The following ARHGEF11 variants were observed in gnomAD, a reference collection of about 807,000 sequenced individuals.
ARHGEF11 encodes the protein Rho guanine exchange factor (GEF) 11.
ARHGEF11 carries 55 observed loss-of-function variants against 193.7 expected under a neutral mutation model. The ratio of observed to expected loss-of-function variants is 0.28; its 90% CI spans 0.23 to 0.36. ARHGEF11 has a LOEUF of 0.36. ARHGEF11 is among the 10% of genes least tolerant of loss of function. The probability of loss-of-function intolerance (pLI) is 1.00; values close to 1 mark genes in which losing one functional copy is unlikely to be tolerated. For synonymous variants in ARHGEF11, 693 were observed against 768.0 expected, an observed-to-expected ratio of 0.90 and a Z score of 1.62; for missense variants, 1,723 against 2,005.6, an observed-to-expected ratio of 0.86 and a Z score of 2.69.
At chr1:157,014,754 G>A (rs1668995380) in intron 1 of ARHGEF11, among the ~76,000 whole-genome samples, 1 of 152,150 alleles carries the variant, frequency 6.6e-6, no homozygotes, top group Non-Finnish European at 1.5e-5. Context: ...CAACTGAGAA[G>A]TTCAGAGCAT....
At chr1:156,986,381 A>G (rs558321277) in intron 1 of ARHGEF11, among the ~76,000 whole-genome samples, 73 of 152,274 alleles carry the variant, frequency 4.8e-4, no homozygotes, top group Admixed American at 2.6e-3. Context: ...CAGGGCAAGC[A>G]TGATCTCTTT....
intron 14 of ARHGEF11, among the ~76,000 whole-genome samples, chr1:156,961,014 C>T (rs1216574888): frequency 6.6e-6 from 1 of 152,220 alleles, no homozygotes; most frequent in Non-Finnish European, 1.5e-5. Flanking sequence ...AAATATAAAA[C>T]TCTTAAGAAA....
chr1:156,941,191 T>C (rs1234922635), intron 35 of ARHGEF11, among the ~76,000 whole-genome samples, 181 bp downstream of exon 35: 1 of 152,098 alleles, frequency 6.6e-6, no homozygotes, highest in East Asian at 1.9e-4. Context: ...CTTAAGTCTG[T>C]TCAGTCTGCT....
chr1:157,016,296 T>C (rs1357745632), intron 1 of ARHGEF11, among the ~76,000 whole-genome samples: 2 of 152,220 alleles, frequency 1.3e-5, no homozygotes, highest in African/African-American at 2.4e-5. Context: ...CTTGGCTCAC[T>C]GCAACCTCCG....
intron 9 of ARHGEF11, 106 bp from the exon 10 acceptor site, chr1:156,969,464 C>T: frequency 9.4e-7 from 1 of 1,059,986 alleles, no homozygotes. Flanking sequence ...GAGCTGCCAC[C>T]TTTTCTTTCA....
intron 1 of ARHGEF11, among the ~76,000 whole-genome samples, chr1:157,026,396 G>A (rs1670647382): frequency 6.6e-6 from 1 of 152,094 alleles, no homozygotes; most frequent in South Asian, 2.1e-4. Context: ...AGCTCATAGG[G>A]CGCCCAAGCA....
Position 157,034,107 on chromosome 1 carries a change from C to A in ARHGEF11, c.32+10192G>T, listed in dbSNP as rs77223173. ...CTGAAACCCTGTTCCTGTGAAGACA[C>A]TGAAATCCTAGTGGTATTTTTCCCC... is the stretch of plus-strand genomic sequence containing the variant. On this transcript the variant is annotated intron_variant, in intron 1 of 40. Coordinates refer to ENST00000368194, the MANE Select transcript of ARHGEF11 (RefSeq NM_198236.3). 2.5e-3 allele frequency among the ~76,000 whole-genome samples: 383 copies of A among 152,312 alleles called. 16 individuals carry two copies. The East Asian group carries it at 0.045, about 18-fold the overall frequency.
intron 1 of ARHGEF11, among the ~76,000 whole-genome samples, chr1:157,043,794 T>C (rs1673041199): frequency 6.6e-6 from 1 of 152,200 alleles, no homozygotes; most frequent in Admixed American, 6.5e-5. Context: ...GTCCCATCAT[T>C]CAGGCCAAGA....
chr1:156,965,462 G>A (rs1021849815), intron 11 of ARHGEF11, among the ~76,000 whole-genome samples: 4 of 152,146 alleles, frequency 2.6e-5, no homozygotes, highest in African/African-American at 7.2e-5. Flanking sequence ...TAGACCACAC[G>A]AAGATTCTAA....
chr1:156,991,398 C>A (rs1313584495), intron 1 of ARHGEF11, among the ~76,000 whole-genome samples: 1 of 152,234 alleles, frequency 6.6e-6, no homozygotes, highest in Non-Finnish European at 1.5e-5. Flanking sequence ...CAGCTCACTG[C>A]AACCTCTGCC....
At chr1:156,979,200 A>C in intron 5 of ARHGEF11, 29 bp downstream of exon 5, 7 of 1,608,800 alleles carry the variant, frequency 4.4e-6, no homozygotes, top group Non-Finnish European at 6.0e-6. Flanking sequence ...CTGCTTCCCT[A>C]CTTTAGTTGT....
intron 11 of ARHGEF11, among the ~76,000 whole-genome samples, chr1:156,966,149 G>A (rs748823220): frequency 8.5e-5 from 13 of 152,202 alleles, no homozygotes; most frequent in Non-Finnish European, 1.8e-4. Context: ...AGAGCTCAGT[G>A]AGTAGGATTA....
At chr1:156,973,369 G>A (rs1662793310) in intron 7 of ARHGEF11, among the ~76,000 whole-genome samples, 1 of 152,176 alleles carries the variant, frequency 6.6e-6, no homozygotes, top group Non-Finnish European at 1.5e-5. Flanking sequence ...AATAGCAAGT[G>A]GTGTGATTAT....
chr1:156,977,851 T>C (rs1166318713), intron 6 of ARHGEF11, among the ~76,000 whole-genome samples: 2 of 152,212 alleles, frequency 1.3e-5, no homozygotes, highest in African/African-American at 2.4e-5. Context: ...TAACACTGAC[T>C]GGCAATGGTC....
chr1:156,951,726 A>T, intron 21 of ARHGEF11, 27 bp from the exon 22 acceptor site: 1 of 1,613,634 alleles, frequency 6.2e-7, no homozygotes, highest in East Asian at 2.2e-5. Context: ...AATGAAGGAC[A>T]CTAGGCTTGC....
intron 1 of ARHGEF11, among the ~76,000 whole-genome samples, chr1:157,043,711 TG>T (rs1389166613): frequency 6.6e-6 from 1 of 152,230 alleles, no homozygotes; most frequent in Non-Finnish European, 1.5e-5. Context: ...AATTCTAATG[TG>T]ATCTATGCAT....
chr1:156,939,836 G>A lies in ARHGEF11; in HGVS notation c.3808C>T (p.Pro1270Ser), dbSNP rs757362456. 1 of 1,612,880 alleles carries A rather than the reference G, an allele frequency of 6.2e-7. No individual in the cohort carries two copies. Among genetic ancestry groups the A allele is most frequent in the South Asian group, 1.1e-5 (1 of 91,076 alleles). ...HTMETQAAQE[P>S]EDDLTPTPSV... ...GGTGTGGGTGTCAGGTCGTCCTCGG[G>A]CTCCTGGGCAGCCTGAGTTTCCATG... The change falls in exon 37 of 41, where the codon CCC becomes TCC. Residue 1270 changes from proline to serine, a missense_variant. By Grantham distance (74) the Pro-to-Ser change is moderately conservative. Coordinates refer to ENST00000368194, the MANE Select transcript of ARHGEF11 (RefSeq NM_198236.3).
chr1:156,952,855 C>T (rs771571601), intron 21 of ARHGEF11, among the ~76,000 whole-genome samples: 1 of 152,262 alleles, frequency 6.6e-6, no homozygotes, highest in Non-Finnish European at 1.5e-5. Flanking sequence ...CCAGCCTGAA[C>T]GTGCATCTGG....
intron 1 of ARHGEF11, among the ~76,000 whole-genome samples, chr1:157,003,875 G>A (rs747970949): frequency 2.0e-5 from 3 of 152,204 alleles, no homozygotes; most frequent in Admixed American, 6.5e-5. Flanking sequence ...GGATTGTTAA[G>A]AGATTAAATG....
Sources: gnomAD v4.1 joint callset for allele counts (sites outside exome capture counted in the v4.1 genomes callset) on GRCh38, gnomAD v4.1.1 for gene constraint, MANE v1.5 for transcripts, NCBI Gene and HGNC (gene_info 2026-07-23, HGNC 2026-07-21) for gene names.